GPR107: variants seen among roughly 807,000 people sequenced by gnomAD.
The protein encoded by GPR107 is G protein-coupled receptor 107.
In GPR107, 31 loss-of-function variants were observed where a neutral mutation model predicts 75.5. The ratio of observed to expected loss-of-function variants is 0.41; its 90% CI spans 0.31 to 0.55. The LOEUF is 0.55. GPR107 is among the 20% of genes least tolerant of loss of function. The pLI is 0.26. For missense variants in GPR107, 572 were observed against 665.7 expected (o/e 0.86, Z 1.55); for synonymous variants, 267 against 251.3 (o/e 1.06, Z -0.59).
chr9:130,133,576 A>G (rs1831882054), intron 17 of GPR107, among the ~76,000 whole-genome samples: 1 of 152,194 alleles, frequency 6.6e-6, no homozygotes. Flanking sequence ...TCCCTTCAGG[A>G]GCAGCCCTGT....
intron 17 of GPR107, among the ~76,000 whole-genome samples, chr9:130,130,463 A>G (rs1831796057): frequency 6.6e-6 from 1 of 152,152 alleles, no homozygotes; most frequent in Non-Finnish European, 1.5e-5. Flanking sequence ...CACTCCCTGC[A>G]TTATTTCATG....
chr9:130,117,522 T>C (rs1420336160), intron 14 of GPR107, among the ~76,000 whole-genome samples: 2 of 152,148 alleles, frequency 1.3e-5, no homozygotes, highest in Non-Finnish European at 2.9e-5. Context: ...AGAGAAGCTG[T>C]TCGCCAGACT....
chr9:130,115,855 G>A (rs1276660811), intron 14 of GPR107, among the ~76,000 whole-genome samples: 1 of 151,710 alleles, frequency 6.6e-6, no homozygotes, highest in South Asian at 2.1e-4. Context: ...TGCCTGCCTC[G>A]GCCTCTCAAA....
chr9:130,054,702 T>C (rs1461068452), intron 1 of GPR107, among the ~76,000 whole-genome samples: 1 of 152,230 alleles, frequency 6.6e-6, no homozygotes, highest in Admixed American at 6.5e-5. Flanking sequence ...CCTAGAATGA[T>C]ACTCTGGATC....
chr9:130,108,853 C>T, intron 14 of GPR107: 1 of 335,616 alleles, frequency 3.0e-6, no homozygotes, highest in South Asian at 2.1e-5. Context: ...TTTTCAGTGG[C>T]TTTAAGCAGG....
Position 130,103,145 on chromosome 9 carries a change from C to A in GPR107, c.1132-1275C>A, listed in dbSNP as rs1254389338. On this transcript the variant is annotated intron_variant, in intron 12 of 17. Transcript: ENST00000347136. The surrounding 1 kb of genome is among the most constrained non-coding windows in gnomAD (Gnocchi z 4.3). ...ATGCTAGTGTTTTGGATAGACAGGG[C>A]TTCACGAGCAGTGTGGGACAGGGAA... Among the ~76,000 whole-genome samples the A allele has an allele frequency of 6.6e-6, 1 of 152,066 alleles. No individual in the cohort carries two copies. Among genetic ancestry groups the A allele is most frequent in the Non-Finnish European group, 1.5e-5 (1 of 68,020 alleles).
At chr9:130,065,697 G>T (rs751263224) in intron 1 of GPR107, among the ~76,000 whole-genome samples, 2 of 149,216 alleles carry the variant, frequency 1.3e-5, no homozygotes, top group Non-Finnish European at 3.0e-5. Context: ...AACCCAGGAG[G>T]TGGAGGTTGC....
chr9:130,124,287 A>G (rs1831620495), intron 14 of GPR107, among the ~76,000 whole-genome samples: 1 of 152,236 alleles, frequency 6.6e-6, no homozygotes, highest in Non-Finnish European at 1.5e-5. Context: ...CTACTCATCA[A>G]TATTTCAGAG....
chr9:130,076,340 T>C (rs942451028), intron 2 of GPR107, 72 bp from the exon 3 acceptor site: 12 of 940,094 alleles, frequency 1.3e-5, no homozygotes, highest in Non-Finnish European at 1.9e-5. Context: ...TACCACTTTT[T>C]CTGCTTTTTG....
At chr9:130,120,293 G>A (rs575255255) in intron 14 of GPR107, among the ~76,000 whole-genome samples, 5 of 152,248 alleles carry the variant, frequency 3.3e-5, no homozygotes, top group Admixed American at 1.3e-4. Context: ...TTTATGGAGC[G>A]GCTCATAGCC....
chr9:130,101,203 A>T lies in GPR107; in HGVS notation c.1111A>T (p.Met371Leu). 6.4e-7 allele frequency: 1 copy of T among 1,564,088 alleles called. No individual in the cohort carries two copies. Among genetic ancestry groups the T allele is most frequent in the Non-Finnish European group, 8.8e-7 (1 of 1,134,194 alleles). The change falls in exon 12 of 18, where the codon ATG becomes TTG. Residue 371 changes from methionine (M) to leucine (L), a missense_variant. By Grantham distance (15) the Met-to-Leu change is conservative. Transcript: ENST00000347136. ...TTCTGATAAAGACAAAAAGATCTTC[A>T]TGATTGTCATTCCACTCCAGGTAAA... ...ILSDKDKKIF[M>L]IVIPLQVLAN...
intron 5 of GPR107, among the ~76,000 whole-genome samples, chr9:130,080,435 CAA>C (rs1298550400): frequency 2.0e-5 from 3 of 152,012 alleles, no homozygotes; most frequent in African/African-American, 7.2e-5. Context: ...TTTCAAAAAA[CAA>C]AATCCTAAAA....
chr9:130,085,754 A>ATTTTTTTGTTTTTTTTTTTT (rs1830598574), intron 6 of GPR107, among the ~76,000 whole-genome samples: 1 of 78,674 alleles, frequency 1.3e-5, no homozygotes, highest in Non-Finnish European at 2.4e-5. Flanking sequence ...CAATATTTTG[A>ATTTTTTTGTTTTTTTTTTTT]TTTTTTTTTT....
rs1831079449 is a variant in GPR107, at chr9:130,103,200, G to A, written c.1132-1220G>A. Among the ~76,000 whole-genome samples, 1 of 152,140 alleles carries A rather than the reference G, an allele frequency of 6.6e-6. No individual in the cohort carries two copies. Among genetic ancestry groups the A allele is most frequent in the Non-Finnish European group, 1.5e-5 (1 of 68,024 alleles). Reference sequence around the variant, plus strand: ...CCAGAAGCTGGGGGTCATTGGAGAGGCTGAAATTTCAGATAATTTTTGCAT... The same window carrying A: ...CCAGAAGCTGGGGGTCATTGGAGAGACTGAAATTTCAGATAATTTTTGCAT... On this transcript the variant is annotated intron_variant, in intron 12 of 17. Transcript: ENST00000347136. This position sits in a 1 kb window ranked among gnomAD's most constrained non-coding sequence, Gnocchi z 4.3.
intron 14 of GPR107, among the ~76,000 whole-genome samples, chr9:130,113,475 C>T (rs140339348): frequency 6.6e-6 from 1 of 152,258 alleles, no homozygotes; most frequent in East Asian, 1.9e-4. Context: ...AAGTGATCCA[C>T]CCACCTCGGC....
chr9:130,124,941 C>A lies in GPR107; in HGVS notation c.1333C>A (p.Leu445Ile), dbSNP rs2132648911. The change falls in exon 15 of 18, where the codon CTT becomes ATT. Residue 445 changes from leucine (L) to isoleucine (I), a missense_variant. By Grantham distance (5) the Leu-to-Ile change is conservative (BLOSUM62 2). Transcript: ENST00000347136. ...KAAINLAKLKLFRHYYVLIVC... is the reference protein window; with the variant it reads ...KAAINLAKLKIFRHYYVLIVC... ...TGCTATTAACTTAGCAAAGCTGAAACTTTTCAGACATTATTACGTCTTGGT... is the reference window on the plus strand; with the variant it reads ...TGCTATTAACTTAGCAAAGCTGAAAATTTTCAGACATTATTACGTCTTGGT... 1.3e-6 allele frequency: 2 copies of A among 1,527,962 alleles called. No individual in the cohort carries two copies. The highest frequency in any genetic ancestry group is 1.4e-5 in the African/African-American group (1 of 70,628). 94.7% of individuals were successfully genotyped at this position (1,527,962 alleles called of 1,614,324 possible). A position where few individuals can be genotyped will look rare whatever the true frequency, so the allele number is the denominator to read the frequency against.
chr9:130,114,762 AGT>A lies in GPR107; in HGVS notation c.1306+7227_1306+7228del. On this transcript the variant is annotated intron_variant, in intron 14 of 17. Transcript: ENST00000347136. ...CTTGGGGTCTTTAGGAATTTTTAAAAGTGTGAAAAGGTCTTCAGACCAAAAGG... is the reference window on the plus strand; with the variant it reads ...CTTGGGGTCTTTAGGAATTTTTAAAAGTGAAAAGGTCTTCAGACCAAAAGG... The A allele has an allele frequency of 7.6e-6, 7 of 921,992 alleles. No homozygotes were observed. In the South Asian group the frequency reaches 2.0e-4, roughly 26 times the overall value. 57.1% of individuals were successfully genotyped at this position (921,992 alleles called of 1,614,324 possible). A position where few individuals can be genotyped will look rare whatever the true frequency, so the allele number is the denominator to read the frequency against.
intron 8 of GPR107, among the ~76,000 whole-genome samples, chr9:130,091,843 G>A (rs1222982083): frequency 6.6e-6 from 1 of 152,118 alleles, no homozygotes; most frequent in Non-Finnish European, 1.5e-5. Context: ...TTACAAGGGT[G>A]CGCCACCACA....
chr9:130,124,984 AT>A lies in GPR107; in HGVS notation c.1356+21del. The A allele has an allele frequency of 1.1e-6, 1 of 949,068 alleles. No homozygotes were observed. The highest frequency in any genetic ancestry group is 1.6e-6 in the Non-Finnish European group (1 of 642,232). The allele number at this position is 949,068 out of a possible 1,614,324, so 58.8% of individuals were successfully genotyped here. The stretch of plus-strand genomic sequence containing the variant: ...GTCTTGGTAAGTAAAAAAAAAAAAA[AT>A]CCTCAATCTATAAATAAAATCAATT... On this transcript the variant is annotated intron_variant, in intron 15 of 17. Transcript: ENST00000347136.
Sources: allele counts gnomAD v4.1 joint callset (sites outside exome capture counted in the v4.1 genomes callset), GRCh38; gene constraint gnomAD v4.1.1; non-coding constraint Gnocchi (gnomAD v3.1); transcripts MANE v1.5; gene names NCBI Gene and HGNC (gene_info 2026-07-23, HGNC 2026-07-21).